Variants in HMG20A observed in about 807,000 individuals in gnomAD.
HMG20A encodes the protein high mobility group protein 20A.
HMG20A carries 17 observed loss-of-function variants against 43.9 expected under a neutral mutation model. The observed-to-expected ratio is 0.39, with a 90% CI of 0.27 to 0.58. HMG20A has a LOEUF of 0.58. Ranked by LOEUF, HMG20A falls within the 20% of genes least tolerant of loss-of-function variation. The pLI is 0.59. For synonymous variants in HMG20A, 132 were observed against 147.5 expected (o/e 0.89, Z 0.76); for missense variants, 341 against 438.2 (o/e 0.78, Z 1.98).
the HMG20A span, among the ~76,000 whole-genome samples, chr15:77,509,029 T>C: frequency 6.6e-6 from 1 of 152,162 alleles, no homozygotes; most frequent in Admixed American, 6.5e-5. Context: ...AGGACCTGTG[T>C]AAGAGGTAGG....
At position 77,470,920 on chromosome 15, in the gene HMG20A, A is replaced by T; in HGVS notation, c.461A>T (p.Asp154Val). ...GTATTTCTTTCCTAGCGCTACCTTGATGAAGCAGACAGAGATAAGGAGCGT... is the reference window on the plus strand; with the variant it reads ...GTATTTCTTTCCTAGCGCTACCTTGTTGAAGCAGACAGAGATAAGGAGCGT... Reference protein sequence around the residue: ...LPPEEKQRYLDEADRDKERYM... With the variant: ...LPPEEKQRYLVEADRDKERYM... The change falls in exon 5 of 10, where the codon GAT becomes GTT. Residue 154 changes from aspartate to valine, a missense_variant. Transcript: ENST00000336216. The T allele has an allele frequency of 6.3e-7, 1 of 1,588,052 alleles. No homozygotes were observed. The highest frequency in any genetic ancestry group is 8.5e-7 in the Non-Finnish European group (1 of 1,171,424).
At position 77,472,244 on chromosome 15, in the gene HMG20A, G is replaced by A. The variant is rs77215701; in HGVS notation, c.615+430G>A. The stretch of plus-strand genomic sequence containing the variant: ...ACTACAATGTCGATAGAGCACAAGC[G>A]ACAGTATCTCAGGTTTGTTTTTTGT... On this transcript the variant is annotated intron_variant, in intron 6 of 9. Coordinates refer to ENST00000336216, the MANE Select transcript of HMG20A (RefSeq NM_001304504.2). Among the ~76,000 whole-genome samples, 1,113 of 152,204 alleles carry A rather than the reference G, an allele frequency of 7.3e-3. 15 individuals carry two copies. The highest frequency in any genetic ancestry group is 0.025 in the African/African-American group (1,053 of 41,544).
chr15:77,481,043 G>A (rs1291300319), intron 9 of HMG20A, among the ~76,000 whole-genome samples: 1 of 152,136 alleles, frequency 6.6e-6, no homozygotes, highest in African/African-American at 2.4e-5. Context: ...GAGTACATGA[G>A]CACACTCATA....
At chr15:77,496,268 A>G in the HMG20A span, among the ~76,000 whole-genome samples, 8 of 152,342 alleles carry the variant, frequency 5.3e-5, no homozygotes, top group South Asian at 1.7e-3. Context: ...AGAATGTAAC[A>G]TATTTCTCCC....
At chr15:77,482,620 A>G (rs1358877357) in intron 9 of HMG20A, 1 of 152,224 alleles carries the variant, frequency 6.6e-6, no homozygotes, top group Non-Finnish European at 1.5e-5. Flanking sequence ...TTGATTGACC[A>G]TACATTCTTC....
intron 1 of HMG20A, among the ~76,000 whole-genome samples, chr15:77,422,875 GAATT>G (rs2073385788): frequency 6.6e-6 from 1 of 152,036 alleles, no homozygotes; most frequent in African/African-American, 2.4e-5. Context: ...CCCGAAGTAA[GAATT>G]AATTGATTAA....
chr15:77,494,568 T>A, the HMG20A span, among the ~76,000 whole-genome samples: 2 of 152,332 alleles, frequency 1.3e-5, no homozygotes, highest in Non-Finnish European at 2.9e-5. Flanking sequence ...TACATGAGTC[T>A]GCCACATGAG....
intron 9 of HMG20A, 194 bp from the exon 10 acceptor site, chr15:77,482,776 T>A (rs1367835871): frequency 6.6e-6 from 1 of 152,192 alleles, no homozygotes; most frequent in Non-Finnish European, 1.5e-5. Context: ...GTAAAACATC[T>A]CAATGAGGTT....
intron 1 of HMG20A, among the ~76,000 whole-genome samples, chr15:77,449,759 C>T (rs553207486): frequency 6.6e-6 from 1 of 152,242 alleles, no homozygotes; most frequent in East Asian, 1.9e-4. Context: ...TATCAATATC[C>T]CTGGCACCAG....
intron 1 of HMG20A, chr15:77,458,170 A>G (rs1378270617): frequency 5.8e-6 from 2 of 342,442 alleles, no homozygotes; most frequent in African/African-American, 2.2e-5. Flanking sequence ...ACCACATCCC[A>G]TTTGTTAAAA....
chr15:77,436,844 T>C (rs1032044243), intron 1 of HMG20A, among the ~76,000 whole-genome samples: 3 of 152,206 alleles, frequency 2.0e-5, no homozygotes, highest in African/African-American at 7.2e-5. Context: ...TGCCCCTCCT[T>C]AAAATTTCTC....
intron 2 of HMG20A, among the ~76,000 whole-genome samples, chr15:77,459,196 C>T (rs1011279357): frequency 1.3e-5 from 2 of 152,124 alleles, no homozygotes; most frequent in Non-Finnish European, 2.9e-5. Flanking sequence ...ATTCTGTTTC[C>T]TTCCCTCACA....
At chr15:77,503,883 G>A in the HMG20A span, among the ~76,000 whole-genome samples, 38 of 152,190 alleles carry the variant, frequency 2.5e-4, no homozygotes, top group African/African-American at 8.9e-4. Context: ...TTTGAATAGC[G>A]AGGTAGTGCA....
At chr15:77,481,761 C>CT (rs1567409037) in intron 9 of HMG20A, among the ~76,000 whole-genome samples, 1 of 152,160 alleles carries the variant, frequency 6.6e-6, no homozygotes, top group Non-Finnish European at 1.5e-5. Flanking sequence ...GCAAACATAA[C>CT]TAACAATAGA....
chr15:77,422,664 A>G (rs533617951), intron 1 of HMG20A, among the ~76,000 whole-genome samples: 10 of 152,308 alleles, frequency 6.6e-5, no homozygotes, highest in African/African-American at 2.4e-4. Flanking sequence ...TCATTAGAAA[A>G]TATGTTTTAA....
chr15:77,477,369 C>G (rs918448952), intron 6 of HMG20A, among the ~76,000 whole-genome samples, 186 bp from the exon 7 acceptor site: 1 of 152,162 alleles, frequency 6.6e-6, no homozygotes, highest in Admixed American at 6.5e-5. Flanking sequence ...AATACTTTAC[C>G]TGCTTAAGCT....
chr15:77,479,101 C>A lies in HMG20A; in HGVS notation c.908-78C>A, dbSNP rs1305909982. ...TCTGTGGAGCAGACCACATTAGAAT[C>A]ACTGTTTCTTTGAAATTGTGTTTTA... On this transcript the variant is annotated intron_variant, in intron 8 of 9. Transcript: ENST00000336216. 5.1e-6 allele frequency: 7 copies of A among 1,373,070 alleles called. No individual in the cohort carries two copies. The Admixed American group carries it at 6.9e-5, about 14-fold the overall frequency. 85.1% of individuals were successfully genotyped at this position (1,373,070 alleles called of 1,614,324 possible). A position where few individuals can be genotyped will look rare whatever the true frequency, so the allele number is the denominator to read the frequency against.
chr15:77,477,264 GC>G (rs770022002), intron 6 of HMG20A, among the ~76,000 whole-genome samples: 115 of 152,210 alleles, frequency 7.6e-4, no homozygotes, highest in African/African-American at 2.7e-3. Flanking sequence ...AAAACACAAG[GC>G]TAAGAAATGG....
the HMG20A span, among the ~76,000 whole-genome samples, chr15:77,505,229 C>T: frequency 2.0e-5 from 3 of 152,226 alleles, no homozygotes; most frequent in South Asian, 2.1e-4. Flanking sequence ...TGAGTTGGGA[C>T]GTCCACTCTG....
Sources: gnomAD v4.1 joint callset for allele counts (sites outside exome capture counted in the v4.1 genomes callset) on GRCh38, gnomAD v4.1.1 for gene constraint, MANE v1.5 for transcripts, NCBI Gene and HGNC (gene_info 2026-07-23, HGNC 2026-07-21) for gene names.